JAKMIP2: variants seen among roughly 807,000 people sequenced by gnomAD.
JAKMIP2 encodes the protein janus kinase and microtubule-interacting protein 2.
JAKMIP2 carries 25 observed loss-of-function variants against 115.0 expected under a neutral mutation model. The ratio of observed to expected loss-of-function variants is 0.22; its 90% CI spans 0.16 to 0.30. The LOEUF (loss-of-function observed/expected upper bound fraction) is 0.30, where lower values mean the gene tolerates loss of function less well. JAKMIP2 is among the 10% of genes least tolerant of loss of function. JAKMIP2 has a pLI of 1.00. For missense variants in JAKMIP2, 642 were observed against 957.6 expected (o/e 0.67, Z 4.35); for synonymous variants, 334 against 343.6 (o/e 0.97, Z 0.31).
At chr5:147,671,988 G>A (rs1274912697) in intron 1 of JAKMIP2, 34 bp from the exon 2 acceptor site, 2 of 1,227,102 alleles carry the variant, frequency 1.6e-6, no homozygotes, top group African/African-American at 1.6e-5. Context: ...TTATTGTTTT[G>A]GCAAAGACCT....
chr5:147,723,857 T>C (rs889922328), intron 1 of JAKMIP2, among the ~76,000 whole-genome samples: 1 of 152,124 alleles, frequency 6.6e-6, no homozygotes, highest in African/African-American at 2.4e-5. Flanking sequence ...TTACAAAATA[T>C]AATGAATGTG....
At chr5:147,756,912 G>T (rs1167049143) in intron 1 of JAKMIP2, among the ~76,000 whole-genome samples, 1 of 152,130 alleles carries the variant, frequency 6.6e-6, no homozygotes, top group East Asian at 1.9e-4. Context: ...TGTAAACTGT[G>T]CTAGATGCTG....
At chr5:147,595,364 G>A in intron 21 of JAKMIP2, 1 of 447,534 alleles carries the variant, frequency 2.2e-6, no homozygotes, top group Non-Finnish European at 4.5e-6. Flanking sequence ...CCTTATGAAA[G>A]AGCTGGAGAG....
chr5:147,650,046 C>T (rs191710470), intron 4 of JAKMIP2, among the ~76,000 whole-genome samples: 15 of 152,200 alleles, frequency 9.9e-5, no homozygotes, highest in Admixed American at 7.9e-4. Context: ...ATATTTTCAT[C>T]TAATTTATGT....
At chr5:147,633,310 T>C (rs1416711305) in intron 12 of JAKMIP2, among the ~76,000 whole-genome samples, 1 of 152,192 alleles carries the variant, frequency 6.6e-6, no homozygotes, top group African/African-American at 2.4e-5. Flanking sequence ...CTGTCATCTC[T>C]GCACAAACAC....
At chr5:147,677,416 A>G (rs973619334) in intron 1 of JAKMIP2, among the ~76,000 whole-genome samples, 1 of 152,194 alleles carries the variant, frequency 6.6e-6, no homozygotes, top group Non-Finnish European at 1.5e-5. Context: ...TATATATTAA[A>G]AGAGCCCTTT....
chr5:147,660,497 C>T (rs1002798656), intron 3 of JAKMIP2: 7 of 454,770 alleles, frequency 1.5e-5, no homozygotes, highest in African/African-American at 1.4e-4. Flanking sequence ...TCAGTAGCTG[C>T]TGTTTTCAGA....
chr5:147,646,950 G>T (rs749048321), intron 5 of JAKMIP2, among the ~76,000 whole-genome samples: 4 of 151,646 alleles, frequency 2.6e-5, no homozygotes, highest in Non-Finnish European at 5.9e-5. Context: ...TCTTTTGGGA[G>T]AACAAGCAGA....
intron 21 of JAKMIP2, among the ~76,000 whole-genome samples, chr5:147,599,284 A>T (rs945956733): frequency 7.9e-5 from 12 of 152,158 alleles, no homozygotes; most frequent in African/African-American, 2.9e-4. Flanking sequence ...TGTAGGTAAC[A>T]TGATTATAAC....
At chr5:147,724,064 G>A (rs6866266) in intron 1 of JAKMIP2, among the ~76,000 whole-genome samples, 20,163 of 152,112 alleles carry the variant, frequency 0.13, 1,958 homozygotes, top group East Asian at 0.36. Flanking sequence ...GACTTATTTT[G>A]TGCCACTGAA....
intron 3 of JAKMIP2, among the ~76,000 whole-genome samples, chr5:147,655,629 T>G (rs115454672): frequency 0.073 from 11,082 of 152,090 alleles, 606 homozygotes; most frequent in East Asian, 0.22. Context: ...TTTTGTTAAT[T>G]TTTTAAAAAA....
At chr5:147,640,600 G>A in intron 9 of JAKMIP2, 104 bp downstream of exon 9, 1 of 1,196,402 alleles carries the variant, frequency 8.4e-7, no homozygotes, top group East Asian at 2.4e-5. Context: ...ATCACTTTGT[G>A]CTGTTTATAT....
intron 1 of JAKMIP2, among the ~76,000 whole-genome samples, chr5:147,707,199 A>G (rs1752612471): frequency 6.6e-6 from 1 of 152,166 alleles, no homozygotes; most frequent in Non-Finnish European, 1.5e-5. Context: ...TCTGTGTTAG[A>G]TGTGCAACCA....
chr5:147,690,959 G>T (rs2126859698), intron 1 of JAKMIP2, among the ~76,000 whole-genome samples: 1 of 152,164 alleles, frequency 6.6e-6, no homozygotes, highest in East Asian at 1.9e-4. Context: ...ACACCTTCCT[G>T]GGGGTAGGTG....
At chr5:147,651,624 A>G (rs867893435) in intron 3 of JAKMIP2, among the ~76,000 whole-genome samples, 1 of 152,140 alleles carries the variant, frequency 6.6e-6, no homozygotes, top group Non-Finnish European at 1.5e-5. Context: ...CTCTTAGACC[A>G]GAAAAAAAAA....
intron 1 of JAKMIP2, among the ~76,000 whole-genome samples, chr5:147,769,899 A>G (rs1755287815): frequency 6.6e-6 from 1 of 152,136 alleles, no homozygotes; most frequent in Non-Finnish European, 1.5e-5. Context: ...TGATATCAAC[A>G]TCTTTCCTTA....
At chr5:147,607,632 T>TTTGTTG (rs923103697) in intron 20 of JAKMIP2, among the ~76,000 whole-genome samples, 1 of 152,056 alleles carries the variant, frequency 6.6e-6, no homozygotes, top group African/African-American at 2.4e-5. Flanking sequence ...GGCCTGAAAT[T>TTTGTTG]TTGTTGTTGT....
intron 1 of JAKMIP2, among the ~76,000 whole-genome samples, chr5:147,698,526 T>A (rs1188463285): frequency 6.6e-6 from 1 of 152,146 alleles, no homozygotes; most frequent in East Asian, 1.9e-4. Flanking sequence ...GTTCCCATAA[T>A]CCCCATGTGT....
At chr5:147,751,447 G>A (rs968380512) in intron 1 of JAKMIP2, among the ~76,000 whole-genome samples, 1 of 152,004 alleles carries the variant, frequency 6.6e-6, no homozygotes, top group Non-Finnish European at 1.5e-5. Context: ...AAGTCAAGTG[G>A]TGTGTTTGGG....
Sources: gnomAD v4.1 joint callset for allele counts (sites outside exome capture counted in the v4.1 genomes callset) on GRCh38, gnomAD v4.1.1 for gene constraint, MANE v1.5 for transcripts, NCBI Gene and HGNC (gene_info 2026-07-23, HGNC 2026-07-21) for gene names.